The following LARGE1 variants were observed in gnomAD, a reference collection of about 807,000 sequenced individuals.
LARGE1 encodes xylosyl- and glucuronyltransferase LARGE1.
LARGE1 carries 43 observed loss-of-function variants against 87.6 expected under a neutral mutation model. The ratio of observed to expected loss-of-function variants is 0.49; its 90% confidence interval spans 0.38 to 0.63. The LOEUF (loss-of-function observed/expected upper bound fraction) is 0.63, where lower values mean the gene tolerates loss of function less well. LARGE1 is among the 30% of genes least tolerant of loss of function. The pLI is 0.00. For missense variants in LARGE1, 802 were observed against 1,000.2 expected, an observed-to-expected ratio of 0.80 and a Z score of 2.67; for synonymous variants, 434 against 394.6, an observed-to-expected ratio of 1.10 and a Z score of -1.18.
chr22:33,488,848 G>T (rs1220134165), intron 6 of LARGE1, among the ~76,000 whole-genome samples: 3 of 151,994 alleles, frequency 2.0e-5, no homozygotes, highest in Non-Finnish European at 4.4e-5. Flanking sequence ...AATCTCCCTG[G>T]GGCCACACCA....
At chr22:33,295,341 G>A (rs563558404) in intron 12 of LARGE1, among the ~76,000 whole-genome samples, 4 of 152,320 alleles carry the variant, frequency 2.6e-5, no homozygotes, top group African/African-American at 9.6e-5. Flanking sequence ...GGCAAAGAAG[G>A]GCACACATGT....
chr22:33,797,602 C>G (rs951188101), intron 1 of LARGE1, among the ~76,000 whole-genome samples: 1 of 152,188 alleles, frequency 6.6e-6, no homozygotes, highest in African/African-American at 2.4e-5. Flanking sequence ...CCGCAGGAGA[C>G]AAGTGACAGC....
chr22:33,420,821 G>C (rs1161181792), intron 7 of LARGE1, among the ~76,000 whole-genome samples: 1 of 152,130 alleles, frequency 6.6e-6, no homozygotes, highest in African/African-American at 2.4e-5. Context: ...TACCTTACCT[G>C]GGCAAAAGAC....
At chr22:33,665,286 GCC>G (rs2081235755) in intron 2 of LARGE1, among the ~76,000 whole-genome samples, 1 of 152,016 alleles carries the variant, frequency 6.6e-6, no homozygotes, top group Non-Finnish European at 1.5e-5. Context: ...CTTTTTATTT[GCC>G]TGTCTCCACC....
chr22:33,919,448 A>ATTCC (rs776164945), intron 1 of LARGE1, among the ~76,000 whole-genome samples: 2 of 152,236 alleles, frequency 1.3e-5, no homozygotes, highest in African/African-American at 2.4e-5. Flanking sequence ...ACTAACAGGA[A>ATTCC]GGACATGCTG....
chr22:33,204,824 G>A (rs1358881221), intron 11 of LARGE1, among the ~76,000 whole-genome samples: 1 of 151,528 alleles, frequency 6.6e-6, no homozygotes, highest in African/African-American at 2.4e-5. Context: ...TCTATTGTAG[G>A]AATTACTATA....
intron 2 of LARGE1, among the ~76,000 whole-genome samples, chr22:33,708,388 C>CAATGCGTAGA (rs2082625732): frequency 6.6e-6 from 1 of 152,064 alleles, no homozygotes; most frequent in Non-Finnish European, 1.5e-5. Flanking sequence ...CATACCCAGC[C>CAATGCGTAGA]CAGCCAGAAG....
chr22:33,892,097 T>C (rs1310527991), intron 1 of LARGE1, among the ~76,000 whole-genome samples: 1 of 152,206 alleles, frequency 6.6e-6, no homozygotes, highest in Non-Finnish European at 1.5e-5. Context: ...AAAGCTTCTT[T>C]CAAACAGGAT....
intron 1 of LARGE1, among the ~76,000 whole-genome samples, chr22:33,782,822 G>T (rs1253253331): frequency 6.8e-6 from 1 of 148,052 alleles, no homozygotes; most frequent in Non-Finnish European, 1.5e-5. Flanking sequence ...CCAACATCAC[G>T]CCACTGCACT....
At chr22:33,902,181 C>A (rs565311108) in intron 1 of LARGE1, among the ~76,000 whole-genome samples, 15 of 152,196 alleles carry the variant, frequency 9.9e-5, no homozygotes, top group Non-Finnish European at 1.8e-4. Flanking sequence ...AAACCCCACA[C>A]TTGAAAACTT....
At chr22:33,259,409 C>CTTCACTTTTTTGCCACATCGTAGTT (rs1927505168) in intron 11 of LARGE1, among the ~76,000 whole-genome samples, 1 of 151,648 alleles carries the variant, frequency 6.6e-6, no homozygotes, top group African/African-American at 2.4e-5. Context: ...AAAAAAATTC[C>CTTCACTTTTTTGCCACATCGTAGTT]TTCACTTTTT....
chr22:33,707,150 C>A (rs2082586963), intron 2 of LARGE1, among the ~76,000 whole-genome samples: 1 of 152,174 alleles, frequency 6.6e-6, no homozygotes, highest in South Asian at 2.1e-4. Flanking sequence ...ATCATGGCTA[C>A]TAAAGATGTG....
At chr22:33,829,318 C>T (rs1206954887) in intron 1 of LARGE1, among the ~76,000 whole-genome samples, 1 of 152,038 alleles carries the variant, frequency 6.6e-6, no homozygotes, top group Non-Finnish European at 1.5e-5. Flanking sequence ...CTTGTAGTCT[C>T]TTTTTCTAAA....
At chr22:33,255,819 A>G (rs2145730550) in intron 11 of LARGE1, among the ~76,000 whole-genome samples, 1 of 152,258 alleles carries the variant, frequency 6.6e-6, no homozygotes, top group Non-Finnish European at 1.5e-5. Context: ...TTTAAATCAT[A>G]TTGTCAGACT....
At chr22:33,276,623 T>C (rs539687372) in intron 14 of LARGE1, among the ~76,000 whole-genome samples, 98 of 152,340 alleles carry the variant, frequency 6.4e-4, no homozygotes, top group African/African-American at 2.2e-3. Context: ...CGCCACTCTT[T>C]TAGTAATGAT....
At chr22:33,171,086 G>T (rs749705779) in intron 11 of LARGE1, among the ~76,000 whole-genome samples, 1 of 152,132 alleles carries the variant, frequency 6.6e-6, no homozygotes, top group Non-Finnish European at 1.5e-5. Flanking sequence ...AAAGCAACTG[G>T]CAGGATTTTG....
At chr22:33,124,780 T>C in the LARGE1 span, among the ~76,000 whole-genome samples, 2 of 152,068 alleles carry the variant, frequency 1.3e-5, no homozygotes, top group African/African-American at 4.8e-5. Flanking sequence ...GGCAGGAAGA[T>C]TGCTTGAGCC....
chr22:33,641,965 A>G (rs2080448786), intron 3 of LARGE1, among the ~76,000 whole-genome samples: 3 of 152,222 alleles, frequency 2.0e-5, no homozygotes. Context: ...TCTTCAGGAT[A>G]TTATCCAGGA....
At chr22:33,728,813 G>A (rs2083362950) in intron 2 of LARGE1, among the ~76,000 whole-genome samples, 1 of 152,170 alleles carries the variant, frequency 6.6e-6, no homozygotes, top group Non-Finnish European at 1.5e-5. Context: ...ACAAACACAC[G>A]GTTACGGATA....
Sources: allele counts gnomAD v4.1 joint callset (sites outside exome capture counted in the v4.1 genomes callset), GRCh38; gene constraint gnomAD v4.1.1; transcripts MANE v1.5; gene names NCBI Gene and HGNC (gene_info 2026-07-23, HGNC 2026-07-21).